IMMP2L: variants seen among roughly 807,000 people sequenced by gnomAD.
IMMP2L encodes inner mitochondrial membrane peptidase subunit 2.
Under a neutral mutation model 19.3 loss-of-function variants are expected in IMMP2L, and 18 were observed. The observed-to-expected ratio is 0.93, with a 90% CI of 0.64 to 1.38. The LOEUF (loss-of-function observed/expected upper bound fraction) is 1.38. Among genes scored for constraint, IMMP2L ranks in the 40% most tolerant of loss-of-function variants. IMMP2L has a pLI of 0.00. For missense variants in IMMP2L, 233 were observed against 218.2 expected, an observed-to-expected ratio of 1.07 and a Z score of -0.43; for synonymous variants, 76 against 73.0, an observed-to-expected ratio of 1.04 and a Z score of -0.21.
chr7:110,898,288 T>A (rs898032256), intron 4 of IMMP2L, among the ~76,000 whole-genome samples: 1 of 151,056 alleles, frequency 6.6e-6, no homozygotes, highest in African/African-American at 2.5e-5. Flanking sequence ...AAGGGCAATA[T>A]GTCCAGGAAT....
intron 5 of IMMP2L, among the ~76,000 whole-genome samples, chr7:110,809,076 T>G (rs774840994): frequency 6.6e-6 from 1 of 151,972 alleles, no homozygotes; most frequent in African/African-American, 2.4e-5. Context: ...AAATGCACAG[T>G]GAAGCTCAAT....
At chr7:110,794,328 A>C (rs1800703440) in intron 5 of IMMP2L, among the ~76,000 whole-genome samples, 1 of 152,100 alleles carries the variant, frequency 6.6e-6, no homozygotes, top group Admixed American at 6.6e-5. Flanking sequence ...ACTAAAAAGA[A>C]ATGAAATTTC....
intron 4 of IMMP2L, among the ~76,000 whole-genome samples, chr7:110,949,344 A>C (rs1371163357): frequency 1.3e-5 from 2 of 152,136 alleles, no homozygotes; most frequent in Non-Finnish European, 2.9e-5. Context: ...TTAACAACTC[A>C]ATATTTTCTC....
chr7:111,486,549 G>A (rs1256537096), intron 3 of IMMP2L, among the ~76,000 whole-genome samples: 1 of 152,090 alleles, frequency 6.6e-6, no homozygotes. Context: ...GAAGAAATTA[G>A]ACAAGTTTGG....
intron 3 of IMMP2L, among the ~76,000 whole-genome samples, chr7:111,034,179 G>A (rs148730119): frequency 9.5e-4 from 144 of 152,030 alleles, no homozygotes; most frequent in Admixed American, 2.1e-3. Context: ...TGAGGAGGGG[G>A]AATGCAGCAA....
chr7:111,419,034 C>T (rs530238479), intron 3 of IMMP2L, among the ~76,000 whole-genome samples: 1 of 151,836 alleles, frequency 6.6e-6, no homozygotes, highest in African/African-American at 2.4e-5. Flanking sequence ...AATCAAATTT[C>T]TGAAAGCCAC....
At chr7:111,413,750 T>C (rs979359846) in intron 3 of IMMP2L, among the ~76,000 whole-genome samples, 1 of 122,986 alleles carries the variant, frequency 8.1e-6, no homozygotes, top group Admixed American at 9.1e-5. Context: ...TACCCTTCCC[T>C]GTCCTGCTTT....
chr7:111,050,710 T>A (rs2129572826), intron 3 of IMMP2L, among the ~76,000 whole-genome samples: 1 of 152,332 alleles, frequency 6.6e-6, no homozygotes, highest in Middle Eastern at 3.4e-3. Flanking sequence ...AATACCAGCC[T>A]AAAAAATATA....
Position 111,070,913 on chromosome 7 carries a change from G to A in IMMP2L, c.240-107348C>T, listed in dbSNP as rs189573410. Among the ~76,000 whole-genome samples, 60 of 151,970 alleles carry A rather than the reference G, an allele frequency of 3.9e-4. 1 individual carries two copies. The highest frequency in any genetic ancestry group is 1.2e-3 in the African/African-American group (49 of 41,444). On this transcript the variant is annotated intron_variant, in intron 3 of 5. Coordinates refer to ENST00000405709, the MANE Select transcript of IMMP2L (RefSeq NM_032549.4). ...AATTCAAGTCTCTCACTTAAATTTC[G>A]GATCAGGAGAAAAATCATGACTTTA...
At chr7:111,498,093 A>G (rs928247249) in intron 2 of IMMP2L, among the ~76,000 whole-genome samples, 1 of 152,002 alleles carries the variant, frequency 6.6e-6, no homozygotes, top group African/African-American at 2.4e-5. Context: ...TAATATTTTT[A>G]AAGTTTGTGT....
intron 5 of IMMP2L, among the ~76,000 whole-genome samples, chr7:110,722,103 C>A (rs1218122401): frequency 6.6e-6 from 1 of 151,740 alleles, no homozygotes; most frequent in Non-Finnish European, 1.5e-5. Flanking sequence ...AAGACATTTC[C>A]AGGATGAACT....
chr7:111,359,097 G>A (rs2130968141), intron 3 of IMMP2L, among the ~76,000 whole-genome samples: 1 of 152,170 alleles, frequency 6.6e-6, no homozygotes, highest in African/African-American at 2.4e-5. Flanking sequence ...CCGATACACT[G>A]GCATTACTTT....
Position 110,882,287 on chromosome 7 carries a change from G to GCCTTCCTTCCTTACTT in IMMP2L, c.408+4305_408+4306insAAGTAAGGAAGGAAGG, listed in dbSNP as rs1554445649. On this transcript the variant is annotated intron_variant, in intron 5 of 5. Transcript: ENST00000405709. ...GTCCCAATTCCTCTCTTTGTCAAGTGCCTTCCTTCCTTCCTTCCTTCCTTC... is the reference window on the plus strand; with the variant it reads ...GTCCCAATTCCTCTCTTTGTCAAGTGCCTTCCTTCCTTACTTCCTTCCTTCCTTCCTTCCTTCCTTC... Among the ~76,000 whole-genome samples the GCCTTCCTTCCTTACTT allele has an allele frequency of 2.0e-3, 243 of 122,160 alleles. 2 individuals carry two copies. Among genetic ancestry groups the GCCTTCCTTCCTTACTT allele is most frequent in the African/African-American group, 7.7e-3 (231 of 30,160 alleles). 80.1% of individuals were successfully genotyped at this position (122,160 alleles called of 152,430 possible).
chr7:111,495,034 CA>C (rs887493802), intron 2 of IMMP2L, among the ~76,000 whole-genome samples: 1 of 151,612 alleles, frequency 6.6e-6, no homozygotes. Flanking sequence ...TAAATTAATC[CA>C]AAAAAATTTA....
rs28535164 is a variant in IMMP2L at position 111,092,936 on chromosome 7, T to C, written c.240-129371A>G. Reference sequence around the variant, plus strand: ...TCTTTGAAACTGTGGGTTATTTTTTTCCACAACTGTGATTTCAGAGCTATT... The same window carrying C: ...TCTTTGAAACTGTGGGTTATTTTTTCCCACAACTGTGATTTCAGAGCTATT... On this transcript the variant is annotated intron_variant, in intron 3 of 5. Transcript: ENST00000405709. 9.7e-3 allele frequency among the ~76,000 whole-genome samples: 1,473 copies of C among 152,334 alleles called. 23 individuals carry two copies. Among genetic ancestry groups the C allele is most frequent in the African/African-American group, 0.033 (1,366 of 41,578 alleles).
intron 3 of IMMP2L, among the ~76,000 whole-genome samples, chr7:111,040,026 G>T (rs536099553): frequency 6.3e-4 from 96 of 152,268 alleles, no homozygotes; most frequent in African/African-American, 2.3e-3. Context: ...TTAGCTGGGC[G>T]TGGTGGCACA....
chr7:111,348,131 C>G (rs186767153), intron 3 of IMMP2L, among the ~76,000 whole-genome samples: 1,272 of 109,796 alleles, frequency 0.012, 20 homozygotes, highest in African/African-American at 0.043. Context: ...CACACTGGAG[C>G]CTGTCGTGGG....
chr7:111,265,337 T>C (rs1346018242), intron 3 of IMMP2L, among the ~76,000 whole-genome samples: 1 of 152,200 alleles, frequency 6.6e-6, no homozygotes, highest in Non-Finnish European at 1.5e-5. Context: ...GAGCAGTATA[T>C]TGAACCCAAA....
intron 5 of IMMP2L, among the ~76,000 whole-genome samples, chr7:110,674,452 C>T (rs1792145145): frequency 6.6e-6 from 1 of 152,150 alleles, no homozygotes; most frequent in Non-Finnish European, 1.5e-5. Flanking sequence ...TGAAGCACAA[C>T]ACTTTTAAAT....
Sources: allele counts gnomAD v4.1 joint callset (sites outside exome capture counted in the v4.1 genomes callset), GRCh38; gene constraint gnomAD v4.1.1; transcripts MANE v1.5; gene names NCBI Gene and HGNC (gene_info 2026-07-23, HGNC 2026-07-21).